The following DST variants were observed in gnomAD, a reference collection of about 807,000 sequenced individuals.
DST encodes the protein dystonin.
Under a neutral mutation model 875.2 loss-of-function variants are expected in DST, and 253 were observed. The observed-to-expected ratio is 0.29, with a 90% CI of 0.26 to 0.32. The LOEUF is 0.32. Ranked by LOEUF, DST falls within the 10% of genes least tolerant of loss-of-function variation. DST has a pLI of 1.00. For missense variants in DST, 8,287 were observed against 9,111.6 expected, an observed-to-expected ratio of 0.91 and a Z score of 3.68; for synonymous variants, 3,124 against 3,197.1, an observed-to-expected ratio of 0.98 and a Z score of 0.77.
At chr6:56,864,302 G>A (rs1232932845) in intron 3 of DST, among the ~76,000 whole-genome samples, 1 of 152,110 alleles carries the variant, frequency 6.6e-6, no homozygotes, top group Non-Finnish European at 1.5e-5. Context: ...AATTGCATGA[G>A]CTAATTCCTT....
chr6:56,544,384 C>CT (rs1178230114), intron 61 of DST, among the ~76,000 whole-genome samples: 5 of 152,176 alleles, frequency 3.3e-5, no homozygotes, highest in African/African-American at 1.2e-4. Context: ...ACCTTAGACT[C>CT]TAACTCTGAA....
At chr6:56,763,555 C>T (rs1403315124) in intron 4 of DST, among the ~76,000 whole-genome samples, 2 of 151,942 alleles carry the variant, frequency 1.3e-5, no homozygotes, top group East Asian at 3.9e-4. Context: ...ACCTGTAGTC[C>T]CAGCTACTCA....
chr6:56,673,117 T>C (rs1371887472), intron 9 of DST, among the ~76,000 whole-genome samples: 1 of 151,914 alleles, frequency 6.6e-6, no homozygotes, highest in Non-Finnish European at 1.5e-5. Flanking sequence ...CCTGGCATAA[T>C]AGCATGTGCC....
intron 2 of DST, among the ~76,000 whole-genome samples, chr6:56,902,111 A>G (rs893230980): frequency 3.3e-5 from 5 of 152,222 alleles, no homozygotes; most frequent in African/African-American, 1.2e-4. Context: ...AACATAAGAA[A>G]TGAATGAATA....
intron 33 of DST, 30 bp from the exon 34 acceptor site, chr6:56,627,317 T>C: frequency 6.7e-7 from 1 of 1,497,606 alleles, no homozygotes; most frequent in Non-Finnish European, 9.3e-7. Context: ...AGAACAAAAA[T>C]GACAAGGAAT....
intron 36 of DST, chr6:56,620,352 T>C (rs2152739514): frequency 6.2e-7 from 1 of 1,614,184 alleles, no homozygotes; most frequent in Non-Finnish European, 8.5e-7. Flanking sequence ...ACGGCAGCTC[T>C]TTTAGCCTCG....
chr6:56,585,144 G>C (rs1396005043), intron 49 of DST, among the ~76,000 whole-genome samples: 5 of 152,164 alleles, frequency 3.3e-5, no homozygotes, highest in South Asian at 4.1e-4. Flanking sequence ...TTTTTCTATT[G>C]ATTGGACTAG....
Position 56,714,853 on chromosome 6 carries a change from C to T in DST, c.688-10484G>A, listed in dbSNP as rs1019577182. Among the ~76,000 whole-genome samples, 9 of 152,196 alleles carry T rather than the reference C, an allele frequency of 5.9e-5. No homozygotes were observed. The highest frequency in any genetic ancestry group is 1.2e-4 in the Non-Finnish European group (8 of 68,036). On this transcript the variant is annotated intron_variant, in intron 5 of 103. Transcript: ENST00000680361. This position sits in a 1 kb window ranked among gnomAD's most constrained non-coding sequence, Gnocchi z 4.5. ...CTTTTCCTACTAGGTCAAATTCTAA[C>T]GTCATCCAGGCAGTGATGGTTTCCT...
At chr6:56,764,341 C>T (rs1021398220) in intron 4 of DST, among the ~76,000 whole-genome samples, 1 of 152,214 alleles carries the variant, frequency 6.6e-6, no homozygotes, top group African/African-American at 2.4e-5. Context: ...TACTATTCTG[C>T]TTGGCTTGTA....
At position 56,511,037 on chromosome 6, in the gene DST, T is replaced by C. The variant is rs778102530; in HGVS notation, c.18780+160A>G. ...GAAAGATAAGGAGATAAAGGCTGGA[T>C]GCAAGCAAACATCACCTCTGAGGGA... is the stretch of plus-strand genomic sequence containing the variant. On this transcript the variant is annotated intron_variant, in intron 73 of 103. Transcript: ENST00000680361. Among the ~76,000 whole-genome samples, 99 of 152,316 alleles carry C rather than the reference T, an allele frequency of 6.5e-4. No homozygotes were observed. In the Middle Eastern group the frequency reaches 0.01, roughly 16 times the overall value.
chr6:56,646,132 CT>C lies in DST; in HGVS notation c.1604del (p.Lys535ArgfsTer15). On this transcript the variant is annotated frameshift_variant, in exon 14 of 104. Transcript: ENST00000680361. LOFTEE classifies it high-confidence loss of function. Reference protein sequence around the residue: ...LQFKETEIPPKETEKSKIKRL... With the variant: ...LQFKETEIPPXETEKSKIKRL... ...GTTTAATTTTTGATTTTTCTGTCTCCTTTGGTGGAATTTCTGTTTCTTTAAA... is the reference window on the plus strand; with the variant it reads ...GTTTAATTTTTGATTTTTCTGTCTCCTTGGTGGAATTTCTGTTTCTTTAAA... The C allele has an allele frequency of 6.5e-7, 1 of 1,538,606 alleles. No homozygotes were observed. The highest frequency in any genetic ancestry group is 8.8e-7 in the Non-Finnish European group (1 of 1,133,012).
intron 2 of DST, among the ~76,000 whole-genome samples, chr6:56,901,334 G>C (rs751857565): frequency 7.9e-5 from 12 of 152,188 alleles, no homozygotes; most frequent in Non-Finnish European, 1.5e-4. Context: ...AATGGCTCAC[G>C]CCTGTAATCC....
rs575963865 is a variant in DST, at chr6:56,738,880, C to T, written c.626-3591G>A. Among the ~76,000 whole-genome samples the T allele has an allele frequency of 5.7e-4, 87 of 152,110 alleles. 1 individual carries two copies. Among genetic ancestry groups the T allele is most frequent in the African/African-American group, 2.0e-3 (84 of 41,486 alleles). On this transcript the variant is annotated intron_variant, in intron 4 of 103. Coordinates refer to ENST00000680361, the MANE Select transcript of DST (RefSeq NM_001374736.1). ...TCACGCCATCCACCTGCTTCAGCCT[C>T]CCAGAGTGCTGGGATTATAGGCGTG...
intron 62 of DST, among the ~76,000 whole-genome samples, chr6:56,536,441 A>C (rs1471786743): frequency 6.6e-6 from 1 of 152,238 alleles, no homozygotes; most frequent in Non-Finnish European, 1.5e-5. Flanking sequence ...GTGGGCCTAC[A>C]TGCCTACATG....
intron 2 of DST, among the ~76,000 whole-genome samples, chr6:56,916,232 T>G (rs1205639852): frequency 6.6e-6 from 1 of 152,122 alleles, no homozygotes; most frequent in Non-Finnish European, 1.5e-5. Context: ...GGTGATTAGT[T>G]CAAGCACAGC....
rs1378930259 is a variant in DST at position 56,608,724 on chromosome 6, G to A, written c.5904C>T (p.Ser1968=). 6.2e-7 allele frequency: 1 copy of A among 1,611,166 alleles called. No homozygotes were observed. The highest frequency in any genetic ancestry group is 8.5e-7 in the Non-Finnish European group (1 of 1,178,560). Residue 1968 remains serine, a synonymous_variant, in exon 40 of 104, where the codon AGC becomes AGT. Coordinates refer to ENST00000680361, the MANE Select transcript of DST (RefSeq NM_001374736.1). ...GACCTTCATGAGCTGCTCTTAAAAT[G>A]CTTATGTTTCTTCCACATTTTAATG... ...RITLKCGRNI[S]ILRAAHEGLI...
At chr6:56,935,064 T>C (rs1191068290) in intron 2 of DST, among the ~76,000 whole-genome samples, 1 of 152,152 alleles carries the variant, frequency 6.6e-6, no homozygotes, top group Non-Finnish European at 1.5e-5. Context: ...TCAGCTTTAA[T>C]TAAAAGGCCC....
chr6:56,469,005 A>C lies in DST; in HGVS notation c.22552-6T>G, dbSNP rs1173875603. ...ACCTGATTTCCCAGGAAGAACTGAT[A>C]AAAATGAAAAATGGAAGAAAGACAC... On this transcript the variant is annotated splice_region_variant and splice_polypyrimidine_tract_variant and intron_variant, in intron 97 of 103. Coordinates refer to ENST00000680361, the MANE Select transcript of DST (RefSeq NM_001374736.1). 1 of 1,573,440 alleles carries C rather than the reference A, an allele frequency of 6.4e-7. No individual in the cohort carries two copies. Among genetic ancestry groups the C allele is most frequent in the Non-Finnish European group, 8.6e-7 (1 of 1,156,942 alleles).
At chr6:56,860,514 A>G (rs1770488634) in intron 3 of DST, among the ~76,000 whole-genome samples, 1 of 152,174 alleles carries the variant, frequency 6.6e-6, no homozygotes, top group Admixed American at 6.5e-5. Flanking sequence ...ATGCCCAGGA[A>G]ATGGAAGAAA....
Sources: gnomAD v4.1 joint callset for allele counts (sites outside exome capture counted in the v4.1 genomes callset) on GRCh38, gnomAD v4.1.1 for gene constraint, Gnocchi (gnomAD v3.1) non-coding constraint, MANE v1.5 for transcripts, NCBI Gene and HGNC (gene_info 2026-07-23, HGNC 2026-07-21) for gene names.